Variants in PTPRM observed in about 807,000 individuals in gnomAD.
PTPRM encodes the protein receptor-type tyrosine-protein phosphatase mu.
In PTPRM, 47 loss-of-function variants were observed where a neutral mutation model predicts 186.7. The ratio of observed to expected loss-of-function variants is 0.25; its 90% CI spans 0.20 to 0.32. PTPRM has a LOEUF of 0.32. PTPRM is among the 10% of genes least tolerant of loss of function. The probability of loss-of-function intolerance (pLI) is 1.00; values close to 1 mark genes in which losing one functional copy is unlikely to be tolerated. For synonymous variants in PTPRM, 668 were observed against 674.9 expected (o/e 0.99, Z 0.16); for missense variants, 1,494 against 1,865.0 (o/e 0.80, Z 3.66).
rs1191330542 is a variant in PTPRM, at chr18:7,598,690, G to C, written c.73+30799G>C. ...TTTGCTTATTCAACTTTTGCCTCAT[G>C]TTAGATTTTTTTTTCTGCTAAACAT... On this transcript the variant is annotated intron_variant, in intron 1 of 32. Coordinates refer to ENST00000580170, the MANE Select transcript of PTPRM (RefSeq NM_001105244.2). Among the ~76,000 whole-genome samples, 4 of 150,096 alleles carry C rather than the reference G, an allele frequency of 2.7e-5. No homozygotes were observed. In the South Asian group the frequency reaches 8.5e-4, roughly 32 times the overall value.
chr18:8,390,879 G>C (rs1245738046), intron 31 of PTPRM, among the ~76,000 whole-genome samples: 1 of 151,798 alleles, frequency 6.6e-6, no homozygotes, highest in Non-Finnish European at 1.5e-5. Context: ...AGTGAGTCAA[G>C]ATCGTGCCAC....
intron 30 of PTPRM, among the ~76,000 whole-genome samples, chr18:8,386,578 ATT>A (rs2095775519): frequency 6.6e-6 from 1 of 152,170 alleles, no homozygotes. Flanking sequence ...GAATTCTGCA[ATT>A]CTATTTCACT....
chr18:7,825,032 A>G (rs777045587), intron 2 of PTPRM, among the ~76,000 whole-genome samples: 1 of 152,212 alleles, frequency 6.6e-6, no homozygotes, highest in Non-Finnish European at 1.5e-5. Context: ...TCTTAGTTCA[A>G]CTAGCATCAA....
chr18:8,009,756 C>T (rs1017473625), intron 7 of PTPRM, among the ~76,000 whole-genome samples: 3 of 151,982 alleles, frequency 2.0e-5, no homozygotes, highest in African/African-American at 7.2e-5. Flanking sequence ...TGCTTTACAC[C>T]TCCCTTTTCT....
At chr18:8,258,963 G>C (rs1430260551) in intron 19 of PTPRM, among the ~76,000 whole-genome samples, 1 of 151,064 alleles carries the variant, frequency 6.6e-6, no homozygotes, top group Non-Finnish European at 1.5e-5. Flanking sequence ...TGTTTGTTTT[G>C]TTTTTGAGAC....
chr18:7,592,194 T>C (rs2037144023), intron 1 of PTPRM, among the ~76,000 whole-genome samples: 2 of 152,180 alleles, frequency 1.3e-5, no homozygotes, highest in Admixed American at 1.3e-4. Context: ...AATTGGATGG[T>C]ACCAGAGGTT....
At chr18:8,109,986 T>C (rs1487060830) in intron 11 of PTPRM, among the ~76,000 whole-genome samples, 2 of 152,230 alleles carry the variant, frequency 1.3e-5, no homozygotes, top group African/African-American at 4.8e-5. Context: ...TCTTGAGTAT[T>C]TGGGTAATGA....
At chr18:8,049,003 A>G (rs1325907118) in intron 7 of PTPRM, among the ~76,000 whole-genome samples, 1 of 152,212 alleles carries the variant, frequency 6.6e-6, no homozygotes, top group African/African-American at 2.4e-5. Flanking sequence ...TGAGGGTTAC[A>G]AAAGGTCAAA....
intron 15 of PTPRM, 94 bp downstream of exon 15, chr18:8,244,303 C>A: frequency 1.6e-6 from 2 of 1,243,664 alleles, no homozygotes; most frequent in Non-Finnish European, 2.2e-6. Flanking sequence ...AAAAAGCTTC[C>A]TGAAGAAATT....
intron 19 of PTPRM, among the ~76,000 whole-genome samples, chr18:8,269,835 C>T (rs1298709666): frequency 1.3e-5 from 2 of 151,932 alleles, no homozygotes; most frequent in South Asian, 2.1e-4. Context: ...TATGCACATG[C>T]AAAAGAATGA....
In PTPRM at chr18:8,315,136, G is replaced by A. The variant is rs78312851; in HGVS notation, c.2919+279G>A. ...CTCCTTTTCTCAAGGTAGCCCATTC[G>A]TTGGTGAATTTCTCTGTAACATTCT... On this transcript the variant is annotated intron_variant, in intron 21 of 32. Transcript: ENST00000580170. 1.6e-3 allele frequency among the ~76,000 whole-genome samples: 249 copies of A among 152,268 alleles called. 1 individual carries two copies. The highest frequency in any genetic ancestry group is 5.7e-3 in the African/African-American group (239 of 41,568).
At chr18:8,269,249 A>G (rs945611059) in intron 19 of PTPRM, among the ~76,000 whole-genome samples, 1 of 152,066 alleles carries the variant, frequency 6.6e-6, no homozygotes, top group Non-Finnish European at 1.5e-5. Flanking sequence ...TTACTTCTAT[A>G]CACAAACTAT....
chr18:8,183,297 C>G (rs950997345), intron 14 of PTPRM, among the ~76,000 whole-genome samples: 2 of 152,076 alleles, frequency 1.3e-5, no homozygotes, highest in Non-Finnish European at 2.9e-5. Flanking sequence ...TGGCTAAAAT[C>G]CTAATTTTTT....
intron 2 of PTPRM, among the ~76,000 whole-genome samples, chr18:7,860,163 C>T (rs2047297736): frequency 6.6e-6 from 1 of 151,930 alleles, no homozygotes; most frequent in Non-Finnish European, 1.5e-5. Context: ...ACTTCGGCCT[C>T]CCAGGTTCAG....
At position 8,141,880 on chromosome 18, in the gene PTPRM, C is replaced by T. The variant is rs183684861; in HGVS notation, c.2168-1767C>T. Reference sequence around the variant, plus strand: ...TGGAAAAACAGACTTTTTTCAGTTTCGTGAATTTCAAATGTTACTTCTTTT... The same window carrying T: ...TGGAAAAACAGACTTTTTTCAGTTTTGTGAATTTCAAATGTTACTTCTTTT... On this transcript the variant is annotated intron_variant, in intron 13 of 32. Transcript: ENST00000580170. 7.9e-5 allele frequency among the ~76,000 whole-genome samples: 12 copies of T among 152,154 alleles called. No homozygotes were observed. The East Asian group carries it at 1.4e-3, about 17-fold the overall frequency.
At chr18:7,985,019 A>G (rs1431627284) in intron 7 of PTPRM, among the ~76,000 whole-genome samples, 7 of 124,760 alleles carry the variant, frequency 5.6e-5, no homozygotes, top group Admixed American at 1.8e-4. Context: ...ACATATAATT[A>G]TATATACATA....
At chr18:8,069,109 CAAAAAAAAAAA>C (rs71165767) in intron 7 of PTPRM, among the ~76,000 whole-genome samples, 2 of 78,620 alleles carry the variant, frequency 2.5e-5, no homozygotes, top group African/African-American at 5.2e-5. Flanking sequence ...GACTCCGTCT[CAAAAAAAAAAA>C]AAAAAAAAAA....
intron 1 of PTPRM, among the ~76,000 whole-genome samples, chr18:7,584,487 A>G (rs1319316257): frequency 6.6e-6 from 1 of 152,200 alleles, no homozygotes; most frequent in Non-Finnish European, 1.5e-5. Flanking sequence ...GGCCCAGAAA[A>G]GTAAAATTGA....
intron 14 of PTPRM, among the ~76,000 whole-genome samples, chr18:8,152,023 C>G (rs1437209424): frequency 2.0e-5 from 3 of 152,126 alleles, no homozygotes; most frequent in African/African-American, 4.8e-5. Flanking sequence ...GAACCATATA[C>G]CTCAGTTGGA....
Sources: gnomAD v4.1 joint callset for allele counts (sites outside exome capture counted in the v4.1 genomes callset) on GRCh38, gnomAD v4.1.1 for gene constraint, MANE v1.5 for transcripts, NCBI Gene and HGNC (gene_info 2026-07-23, HGNC 2026-07-21) for gene names.